Variants in SMARCA2 observed in about 807,000 individuals in gnomAD.
SMARCA2 encodes SWI/SNF-related matrix-associated actin-dependent regulator of chromatin subfamily A member 2.
A neutral mutation model predicts 199.8 loss-of-function variants in SMARCA2; 61 were observed. The ratio of observed to expected loss-of-function variants is 0.31; its 90% CI spans 0.25 to 0.38. The LOEUF (loss-of-function observed/expected upper bound fraction) is 0.38. Ranked by LOEUF, SMARCA2 falls within the 10% of genes least tolerant of loss-of-function variation. The pLI, the probability that SMARCA2 is intolerant of heterozygous loss-of-function variation, is 1.00. For missense variants in SMARCA2, 1,344 were observed against 2,012.2 expected, an observed-to-expected ratio of 0.67 and a Z score of 6.35; for synonymous variants, 935 against 732.0, an observed-to-expected ratio of 1.28 and a Z score of -4.48.
chr9:2,085,516 T>A (rs1302352938), intron 17 of SMARCA2, among the ~76,000 whole-genome samples: 2 of 152,244 alleles, frequency 1.3e-5, no homozygotes, highest in South Asian at 4.1e-4. Flanking sequence ...TTTAGGATAT[T>A]TATTTAAATA....
intron 4 of SMARCA2, among the ~76,000 whole-genome samples, chr9:2,046,823 A>G (rs536135071): frequency 2.6e-5 from 4 of 152,102 alleles, no homozygotes; most frequent in East Asian, 1.9e-4. Flanking sequence ...ATGCACCTGT[A>G]ATTAAAAAAA....
rs1184303871 is a variant in SMARCA2, at chr9:2,115,549, A to G, written c.3457-273A>G. ...AGATATGGACTAAATCTGATGGGGAACCTAGAGACAGATAAAAACAATATG... is the reference window on the plus strand; with the variant it reads ...AGATATGGACTAAATCTGATGGGGAGCCTAGAGACAGATAAAAACAATATG... On this transcript the variant is annotated intron_variant, in intron 24 of 33. Coordinates refer to ENST00000349721, the MANE Select transcript of SMARCA2 (RefSeq NM_003070.5). The surrounding 1 kb of genome is among the most constrained non-coding windows in gnomAD (Gnocchi z 6.0). 6.6e-6 allele frequency among the ~76,000 whole-genome samples: 1 copy of G among 152,218 alleles called. No homozygotes were observed. The highest frequency in any genetic ancestry group is 1.5e-5 in the Non-Finnish European group (1 of 68,040).
Position 2,170,398 on chromosome 9 carries a change from G to A in SMARCA2, c.4200-21G>A. 6.2e-7 allele frequency: 1 copy of A among 1,614,026 alleles called. No homozygotes were observed. Among genetic ancestry groups the A allele is most frequent in the South Asian group, 1.1e-5 (1 of 91,072 alleles). On this transcript the variant is annotated intron_variant, in intron 28 of 33. Coordinates refer to ENST00000349721, the MANE Select transcript of SMARCA2 (RefSeq NM_003070.5). This position sits in a 1 kb window ranked among gnomAD's most constrained non-coding sequence, Gnocchi z 4.7. ...AGAACCCAGGTCTTCTGACTCTAGT[G>A]TTCTTTCTACTCTACCGCAGGTGTA...
At chr9:2,065,191 A>G (rs1217821659) in intron 9 of SMARCA2, among the ~76,000 whole-genome samples, 4 of 152,212 alleles carry the variant, frequency 2.6e-5, no homozygotes, top group African/African-American at 9.7e-5. Context: ...TCTCAAAAAA[A>G]AAAGTCTAGC....
chr9:2,098,301 A>G (rs541563158), intron 21 of SMARCA2, among the ~76,000 whole-genome samples: 3 of 152,372 alleles, frequency 2.0e-5, no homozygotes, highest in South Asian at 4.1e-4. Flanking sequence ...TAAAAAATAC[A>G]TAGAAACTTC....
At chr9:2,061,077 A>C in intron 9 of SMARCA2, 91 bp downstream of exon 9, 2 of 1,196,778 alleles carry the variant, frequency 1.7e-6, no homozygotes, top group South Asian at 1.5e-5. Flanking sequence ...ACTACTTCTT[A>C]CACTGGTGGA....
At chr9:2,094,324 T>C (rs1401451659) in intron 19 of SMARCA2, among the ~76,000 whole-genome samples, 2 of 152,226 alleles carry the variant, frequency 1.3e-5, no homozygotes, top group South Asian at 2.1e-4. Flanking sequence ...TCTGCTGACT[T>C]GACCTCGTTG....
intron 4 of SMARCA2, among the ~76,000 whole-genome samples, chr9:2,046,790 T>A (rs1282975223): frequency 6.6e-6 from 1 of 152,012 alleles, no homozygotes; most frequent in East Asian, 1.9e-4. Context: ...GTTGGGTGAC[T>A]CCCTTTCTTT....
intron 19 of SMARCA2, among the ~76,000 whole-genome samples, chr9:2,090,614 C>G (rs894987380): frequency 5.3e-5 from 8 of 152,172 alleles, no homozygotes; most frequent in African/African-American, 1.4e-4. Flanking sequence ...GGGCACCCAA[C>G]CAATGACAGC....
At chr9:2,035,529 C>A (rs1819291895) in intron 3 of SMARCA2, among the ~76,000 whole-genome samples, 1 of 152,138 alleles carries the variant, frequency 6.6e-6, no homozygotes, top group Admixed American at 6.5e-5. Context: ...ACTTTTATTT[C>A]TGTGATCACT....
At chr9:2,186,361 C>T (rs1220394792) in intron 32 of SMARCA2, 133 bp downstream of exon 32, 3 of 917,642 alleles carry the variant, frequency 3.3e-6, no homozygotes, top group African/African-American at 3.3e-5. Context: ...TTTGTCCTTG[C>T]TGGGCAACCG....
At chr9:2,153,009 C>T (rs201828793) in intron 27 of SMARCA2, among the ~76,000 whole-genome samples, 1 of 151,896 alleles carries the variant, frequency 6.6e-6, no homozygotes, top group Non-Finnish European at 1.5e-5. Context: ...ATGTGGCTAT[C>T]AAGAAAACGA....
rs1254747570 is a variant in SMARCA2 at position 2,123,185 on chromosome 9, T to G, written c.3763-534T>G. ...CAATGGACCAGTGAAACCATTTATG[T>G]CTCTTCCACATGTCCAACTGTGGGT... On this transcript the variant is annotated intron_variant, in intron 26 of 33. Coordinates refer to ENST00000349721, the MANE Select transcript of SMARCA2 (RefSeq NM_003070.5). The surrounding 1 kb of genome is among the most constrained non-coding windows in gnomAD (Gnocchi z 4.1). Among the ~76,000 whole-genome samples the G allele has an allele frequency of 2.6e-5, 4 of 152,218 alleles. No homozygotes were observed. The highest frequency in any genetic ancestry group is 5.9e-5 in the Non-Finnish European group (4 of 68,042).
chr9:2,081,825 A>G lies in SMARCA2; in HGVS notation c.2185-7A>G. The G allele has an allele frequency of 1.2e-6, 2 of 1,613,606 alleles. No homozygotes were observed. Among genetic ancestry groups the G allele is most frequent in the Non-Finnish European group, 1.7e-6 (2 of 1,179,760 alleles). ...TGGATAATTGAAGCAATTACTCTTC[A>G]TTTCAGCTCCAGGGCCTGGAATGGA... is the stretch of plus-strand genomic sequence containing the variant. On this transcript the variant is annotated splice_polypyrimidine_tract_variant and splice_region_variant and intron_variant, in intron 14 of 33. Coordinates refer to ENST00000349721, the MANE Select transcript of SMARCA2 (RefSeq NM_003070.5).
Position 2,073,851 on chromosome 9 carries a change from A to G in SMARCA2, c.1935+228A>G, listed in dbSNP as rs148680850. Reference sequence around the variant, plus strand: ...CTAATGGGGAAACCTGGCACATTCTAAATTCACTTGAAACCAAGAGAAGAG... The same window carrying G: ...CTAATGGGGAAACCTGGCACATTCTGAATTCACTTGAAACCAAGAGAAGAG... On this transcript the variant is annotated intron_variant, in intron 12 of 33. Coordinates refer to ENST00000349721, the MANE Select transcript of SMARCA2 (RefSeq NM_003070.5). 1.6e-3 allele frequency among the ~76,000 whole-genome samples: 237 copies of G among 152,320 alleles called. 2 individuals carry two copies. The highest frequency in any genetic ancestry group is 5.6e-3 in the African/African-American group (233 of 41,576).
intron 5 of SMARCA2, 135 bp from the exon 6 acceptor site, chr9:2,054,462 G>GT: frequency 1.9e-6 from 2 of 1,051,188 alleles, no homozygotes; most frequent in East Asian, 4.8e-5. Flanking sequence ...CTAGTTGGGT[G>GT]TTAGAGATCA....
chr9:2,091,123 C>A (rs576765726), intron 19 of SMARCA2, among the ~76,000 whole-genome samples: 1 of 152,212 alleles, frequency 6.6e-6, no homozygotes, highest in South Asian at 2.1e-4. Flanking sequence ...GCAAAATTTG[C>A]TTCTTTTGGT....
intron 27 of SMARCA2, among the ~76,000 whole-genome samples, chr9:2,153,727 C>G (rs1467258978): frequency 6.6e-6 from 1 of 152,024 alleles, no homozygotes; most frequent in Non-Finnish European, 1.5e-5. Context: ...AGTTGTGGAA[C>G]AGTAATCCCA....
At chr9:2,090,248 A>G (rs1018014755) in intron 19 of SMARCA2, among the ~76,000 whole-genome samples, 2 of 152,338 alleles carry the variant, frequency 1.3e-5, no homozygotes, top group Non-Finnish European at 2.9e-5. Flanking sequence ...TCAAATGATC[A>G]CGAGTATGTC....
Sources: allele counts gnomAD v4.1 joint callset (sites outside exome capture counted in the v4.1 genomes callset), GRCh38; gene constraint gnomAD v4.1.1; non-coding constraint Gnocchi (gnomAD v3.1); transcripts MANE v1.5; gene names NCBI Gene and HGNC (gene_info 2026-07-23, HGNC 2026-07-21).